Variants in PTPRN2 observed in about 807,000 individuals in gnomAD.
PTPRN2 encodes the protein receptor-type tyrosine-protein phosphatase N2.
PTPRN2 carries 74 observed loss-of-function variants against 118.8 expected under a neutral mutation model. The observed-to-expected ratio is 0.62, with a 90% CI of 0.52 to 0.76. PTPRN2 has a LOEUF of 0.76. PTPRN2 is among the 30% of genes least tolerant of loss of function. The probability of loss-of-function intolerance (pLI) is 0.00; values close to 1 mark genes in which losing one functional copy is unlikely to be tolerated. For synonymous variants in PTPRN2, 641 were observed against 608.0 expected, an observed-to-expected ratio of 1.05 and a Z score of -0.80; for missense variants, 1,481 against 1,394.4, an observed-to-expected ratio of 1.06 and a Z score of -0.99.
rs1803632808 is a variant in PTPRN2 at position 157,780,786 on chromosome 7, A to G, written c.1789-97849T>C. 6.6e-6 allele frequency among the ~76,000 whole-genome samples: 1 copy of G among 152,074 alleles called. No individual in the cohort carries two copies. The highest frequency in any genetic ancestry group is 2.4e-5 in the African/African-American group (1 of 41,388). ...ATGTGCCCCCGGGCCAAGGTGGACG[A>G]GCTCTCCAAACTCGCTTTCTCTGCC... On this transcript the variant is annotated intron_variant, in intron 12 of 22. Coordinates refer to ENST00000389418, the MANE Select transcript of PTPRN2 (RefSeq NM_002847.5). This position sits in a 1 kb window ranked among gnomAD's most constrained non-coding sequence, Gnocchi z 4.5.
intron 12 of PTPRN2, among the ~76,000 whole-genome samples, chr7:157,736,898 C>T (rs75323120): frequency 6.6e-6 from 1 of 152,024 alleles, no homozygotes; most frequent in Non-Finnish European, 1.5e-5. Flanking sequence ...TAACAGTTTC[C>T]CTCTACAAAT....
In PTPRN2 at chr7:158,570,830, T is replaced by G. The variant is rs534064905; in HGVS notation, c.112+16728A>C. Among the ~76,000 whole-genome samples the G allele has an allele frequency of 6.6e-6, 1 of 152,210 alleles. No homozygotes were observed. The highest frequency in any genetic ancestry group is 2.1e-4 in the South Asian group (1 of 4,820). ...CTGTGGAGCTCATGGCTTTTGTGAC[T>G]GAGACTAAAAGCATCCATAAAAGCC... is the stretch of plus-strand genomic sequence containing the variant. On this transcript the variant is annotated intron_variant, in intron 1 of 22. Coordinates refer to ENST00000389418, the MANE Select transcript of PTPRN2 (RefSeq NM_002847.5). This position sits in a 1 kb window ranked among gnomAD's most constrained non-coding sequence, Gnocchi z 4.5.
intron 11 of PTPRN2, among the ~76,000 whole-genome samples, chr7:158,070,359 C>CTTAGTATGGAGGTGCT (rs1811140650): frequency 8.7e-6 from 1 of 114,844 alleles, no homozygotes; most frequent in East Asian, 2.6e-4. Flanking sequence ...GTGGAGGTGC[C>CTTAGTATGGAGGTGCT]CCTGGTGGTG....
chr7:158,117,541 G>C (rs1009684133), intron 9 of PTPRN2, among the ~76,000 whole-genome samples: 3 of 152,180 alleles, frequency 2.0e-5, no homozygotes, highest in Non-Finnish European at 2.9e-5. Context: ...TCCCAAGTTT[G>C]ATGAAAGACA....
Position 157,690,505 on chromosome 7 carries a change from C to T in PTPRN2, c.1789-7568G>A, listed in dbSNP as rs1047313730. On this transcript the variant is annotated intron_variant, in intron 12 of 22. Coordinates refer to ENST00000389418, the MANE Select transcript of PTPRN2 (RefSeq NM_002847.5). This position sits in a 1 kb window ranked among gnomAD's most constrained non-coding sequence, Gnocchi z 7.1. ...CTCTCTCGCCTCTTCCAGGGCCCAC[C>T]CAACCGCACTACGAGCGCCCGCGCC... 4.1e-4 allele frequency among the ~76,000 whole-genome samples: 62 copies of T among 152,230 alleles called. No individual in the cohort carries two copies. The highest frequency in any genetic ancestry group is 7.6e-4 in the Non-Finnish European group (52 of 67,996).
chr7:158,401,957 G>T (rs1812979146), intron 2 of PTPRN2, among the ~76,000 whole-genome samples: 2 of 152,162 alleles, frequency 1.3e-5, no homozygotes, highest in African/African-American at 2.4e-5. Context: ...GTTCCCATCT[G>T]GGAAAGGGGG....
At chr7:158,307,901 G>A (rs914642315) in intron 3 of PTPRN2, among the ~76,000 whole-genome samples, 1 of 152,068 alleles carries the variant, frequency 6.6e-6, no homozygotes, top group Non-Finnish European at 1.5e-5. Context: ...TCTAAGAAGA[G>A]GAAGGGAGAC....
chr7:157,555,011 G>A (rs1798812389), intron 21 of PTPRN2, among the ~76,000 whole-genome samples: 1 of 147,996 alleles, frequency 6.8e-6, no homozygotes, highest in South Asian at 2.1e-4. Flanking sequence ...GGTGAGCACC[G>A]GCCAAGTCAG....
intron 2 of PTPRN2, among the ~76,000 whole-genome samples, chr7:158,440,981 G>A (rs1056350985): frequency 2.0e-4 from 30 of 146,766 alleles, no homozygotes; most frequent in Non-Finnish European, 3.0e-5. Context: ...TGGTGGTAGT[G>A]GTGGTGGTGA....
chr7:157,724,149 G>C (rs1241352028), intron 12 of PTPRN2, among the ~76,000 whole-genome samples: 2 of 151,918 alleles, frequency 1.3e-5, no homozygotes, highest in African/African-American at 4.8e-5. Context: ...TGGAATTTAG[G>C]CTTCCCTCGT....
chr7:158,014,493 A>C (rs1806291901), intron 11 of PTPRN2, among the ~76,000 whole-genome samples: 1 of 151,418 alleles, frequency 6.6e-6, no homozygotes, highest in Admixed American at 6.6e-5. Flanking sequence ...TCATCCAGTC[A>C]TCCATCCCTC....
intron 1 of PTPRN2, among the ~76,000 whole-genome samples, chr7:158,497,375 C>T (rs969027567): frequency 1.3e-5 from 2 of 150,532 alleles, no homozygotes; most frequent in Non-Finnish European, 3.0e-5. Context: ...GAGTATGGAG[C>T]CCCCCAGTAA....
At chr7:158,467,280 T>TG (rs1226418265) in intron 2 of PTPRN2, among the ~76,000 whole-genome samples, 2 of 77,546 alleles carry the variant, frequency 2.6e-5, no homozygotes, top group African/African-American at 8.0e-5. Flanking sequence ...TTTTGGCTTT[T>TG]GGGTTTTTTT....
intron 2 of PTPRN2, among the ~76,000 whole-genome samples, chr7:158,489,412 C>T (rs1043526720): frequency 1.3e-5 from 2 of 152,214 alleles, no homozygotes; most frequent in Admixed American, 6.5e-5. Flanking sequence ...GCCCCGCTGC[C>T]CTCCAGCCTG....
intron 10 of PTPRN2, among the ~76,000 whole-genome samples, chr7:158,086,199 T>G (rs1813397573): frequency 6.6e-6 from 1 of 152,146 alleles, no homozygotes; most frequent in Non-Finnish European, 1.5e-5. Flanking sequence ...GCAGAGAGAC[T>G]GAGCTGCAGA....
chr7:158,071,435 G>GGTGGAGGTGCTC lies in PTPRN2; in HGVS notation c.1723+9862_1723+9863insGAGCACCTCCAC, dbSNP rs1563391291. ...TGCTCCTGGTGGTGGAGGTGCTCGT[G>GGTGGAGGTGCTC]GTGGTGGAGGTGCTCGTGGTTGAGG... On this transcript the variant is annotated intron_variant, in intron 11 of 22. Transcript: ENST00000389418. 9.2e-4 allele frequency among the ~76,000 whole-genome samples: 38 copies of GGTGGAGGTGCTC among 41,356 alleles called. 1 individual carries two copies. The highest frequency in any genetic ancestry group is 1.3e-3 in the Non-Finnish European group (28 of 21,782). The allele number at this position is 41,356 out of a possible 152,430, so 27.1% of individuals were successfully genotyped here.
At chr7:158,177,762 T>G (rs568530108) in intron 5 of PTPRN2, among the ~76,000 whole-genome samples, 17 of 152,384 alleles carry the variant, frequency 1.1e-4, no homozygotes, top group Admixed American at 9.8e-4. Flanking sequence ...CAAAATTTCT[T>G]TGTCCATTTC....
At chr7:158,523,539 T>C (rs1198848287) in intron 1 of PTPRN2, among the ~76,000 whole-genome samples, 2 of 52,890 alleles carry the variant, frequency 3.8e-5, no homozygotes, top group African/African-American at 1.2e-4. Context: ...GAGTCTGCCC[T>C]GGAATGGAGT....
chr7:157,877,033 T>C (rs1043660062), intron 12 of PTPRN2, among the ~76,000 whole-genome samples: 3 of 152,148 alleles, frequency 2.0e-5, no homozygotes, highest in African/African-American at 7.2e-5. Context: ...CAGGGTTTCC[T>C]CGGGGACCCC....
Sources: allele counts gnomAD v4.1 joint callset (sites outside exome capture counted in the v4.1 genomes callset), GRCh38; gene constraint gnomAD v4.1.1; non-coding constraint Gnocchi (gnomAD v3.1); transcripts MANE v1.5; gene names NCBI Gene and HGNC (gene_info 2026-07-23, HGNC 2026-07-21).